ULK4: variants seen among roughly 807,000 people sequenced by gnomAD.
ULK4 encodes the protein unc-51 like kinase 4.
A neutral mutation model predicts 160.6 loss-of-function variants in ULK4; 133 were observed. The observed-to-expected ratio is 0.83, with a 90% CI of 0.72 to 0.96. The LOEUF (loss-of-function observed/expected upper bound fraction) is 0.96. ULK4 is among the 40% of genes least tolerant of loss of function. The pLI, the probability that ULK4 is intolerant of heterozygous loss-of-function variation, is 0.00. For synonymous variants in ULK4, 534 were observed against 539.8 expected, an observed-to-expected ratio of 0.99 and a Z score of 0.15; for missense variants, 1,580 against 1,499.5, an observed-to-expected ratio of 1.05 and a Z score of -0.89.
intron 31 of ULK4, among the ~76,000 whole-genome samples, chr3:41,583,945 T>C (rs540288627): frequency 6.6e-6 from 1 of 152,216 alleles, no homozygotes; most frequent in Non-Finnish European, 1.5e-5. Flanking sequence ...CTGTCATATA[T>C]GCAGACAGTG....
At chr3:41,944,456 G>A (rs1251649415) in intron 2 of ULK4, among the ~76,000 whole-genome samples, 2 of 152,090 alleles carry the variant, frequency 1.3e-5, no homozygotes, top group Non-Finnish European at 2.9e-5. Flanking sequence ...CGTAATTTCA[G>A]ATGTCAGGAG....
chr3:41,705,933 C>A (rs1468535009), intron 25 of ULK4, among the ~76,000 whole-genome samples: 2 of 152,094 alleles, frequency 1.3e-5, no homozygotes, highest in African/African-American at 4.8e-5. Context: ...GGCACCTAAC[C>A]AGGGAAAACA....
At chr3:41,704,621 T>C (rs551517028) in intron 27 of ULK4, among the ~76,000 whole-genome samples, 1 of 152,108 alleles carries the variant, frequency 6.6e-6, no homozygotes, top group African/African-American at 2.4e-5. Context: ...ATTTTGGTTG[T>C]CATAACTGAA....
intron 35 of ULK4, among the ~76,000 whole-genome samples, chr3:41,273,171 G>A (rs2079167587): frequency 1.3e-5 from 2 of 152,080 alleles, no homozygotes; most frequent in African/African-American, 2.4e-5. Flanking sequence ...AAATACTCTT[G>A]ATCTTTGCTT....
At chr3:41,950,524 T>C (rs1700256468) in intron 2 of ULK4, among the ~76,000 whole-genome samples, 2 of 151,940 alleles carry the variant, frequency 1.3e-5, no homozygotes, top group African/African-American at 2.4e-5. Flanking sequence ...ATTACAGACA[T>C]GAGCCACCGC....
chr3:41,393,862 G>A (rs1034825339), intron 35 of ULK4, among the ~76,000 whole-genome samples: 6 of 152,160 alleles, frequency 3.9e-5, no homozygotes, highest in African/African-American at 1.4e-4. Flanking sequence ...CAGCTACTTC[G>A]AAGGAGGATG....
intron 27 of ULK4, among the ~76,000 whole-genome samples, chr3:41,697,678 C>A (rs964472502): frequency 3.9e-5 from 6 of 152,016 alleles, no homozygotes; most frequent in African/African-American, 1.5e-4. Flanking sequence ...CATAGAGTCT[C>A]GCTATGTTGC....
intron 33 of ULK4, among the ~76,000 whole-genome samples, chr3:41,458,437 G>T (rs150586249): frequency 1.3e-5 from 2 of 152,122 alleles, no homozygotes; most frequent in South Asian, 2.1e-4. Context: ...ACCTGCTGGA[G>T]ATATAAGACA....
At chr3:41,695,615 G>C (rs564319605) in intron 27 of ULK4, among the ~76,000 whole-genome samples, 1 of 152,134 alleles carries the variant, frequency 6.6e-6, no homozygotes, top group Admixed American at 6.5e-5. Flanking sequence ...TGAAGTCATT[G>C]ATAAAAACAG....
At chr3:41,401,418 T>C (rs1294840339) in intron 34 of ULK4, among the ~76,000 whole-genome samples, 1 of 152,208 alleles carries the variant, frequency 6.6e-6, no homozygotes, top group African/African-American at 2.4e-5. Context: ...TGGTACTGCA[T>C]GTTTAATGAA....
At chr3:41,680,784 A>T (rs1285094753) in intron 29 of ULK4, among the ~76,000 whole-genome samples, 2 of 152,190 alleles carry the variant, frequency 1.3e-5, no homozygotes, top group African/African-American at 4.8e-5. Context: ...AGCCATGATC[A>T]GGTAGGCATA....
At chr3:41,809,241 A>C (rs2040748391) in intron 19 of ULK4, among the ~76,000 whole-genome samples, 1 of 151,770 alleles carries the variant, frequency 6.6e-6, no homozygotes. Context: ...TGTAAGGTTT[A>C]TTTTTTTATT....
chr3:41,844,350 G>T (rs921822867), intron 17 of ULK4, among the ~76,000 whole-genome samples: 2 of 152,128 alleles, frequency 1.3e-5, no homozygotes, highest in African/African-American at 2.4e-5. Context: ...GAAATCGAGC[G>T]CAGCGCCGGT....
intron 35 of ULK4, among the ~76,000 whole-genome samples, chr3:41,323,717 C>G (rs1268795935): frequency 6.6e-6 from 1 of 151,972 alleles, no homozygotes; most frequent in Non-Finnish European, 1.5e-5. Context: ...CGAGTGCTTA[C>G]AGATGGAGTA....
chr3:41,454,636 A>C (rs2083500995), intron 34 of ULK4, among the ~76,000 whole-genome samples: 1 of 152,062 alleles, frequency 6.6e-6, no homozygotes, highest in African/African-American at 2.4e-5. Context: ...CAATAATTTG[A>C]TTTTAAAAGA....
chr3:41,545,776 G>A (rs1015911790), intron 32 of ULK4, among the ~76,000 whole-genome samples: 1 of 152,016 alleles, frequency 6.6e-6, no homozygotes, highest in African/African-American at 2.4e-5. Context: ...CAGAATCCTG[G>A]AAATTGTCCC....
At chr3:41,279,657 A>C (rs746190952) in intron 35 of ULK4, among the ~76,000 whole-genome samples, 1 of 152,264 alleles carries the variant, frequency 6.6e-6, no homozygotes, top group Non-Finnish European at 1.5e-5. Context: ...CCAATATTCA[A>C]CATTCTTAAA....
In ULK4 at chr3:41,257,485, A is replaced by C. The variant is rs575085913; in HGVS notation, c.3679-7911T>G. On this transcript the variant is annotated intron_variant, in intron 35 of 36. Transcript: ENST00000301831. ...CATCTCTGCAACGAAATAAATAATA[A>C]TTAGCTGGGTGTGGTGGTGCACACC... is the stretch of plus-strand genomic sequence containing the variant. Among the ~76,000 whole-genome samples, 11 of 152,110 alleles carry C rather than the reference A, an allele frequency of 7.2e-5. No individual in the cohort carries two copies. The South Asian group carries it at 2.3e-3, about 32-fold the overall frequency.
In ULK4 at chr3:41,730,618, C is replaced by T. The variant is rs550451074; in HGVS notation, c.2322-12757G>A. Among the ~76,000 whole-genome samples the T allele has an allele frequency of 5.9e-5, 9 of 152,158 alleles. No homozygotes were observed. In the South Asian group the frequency reaches 1.7e-3, roughly 28 times the overall value. On this transcript the variant is annotated intron_variant, in intron 22 of 36. Transcript: ENST00000301831. ...CCAATAATGAGTAATAAGACTGAAT[C>T]GATAATAAAGTCTCCCATCAAAGAA...
Sources: gnomAD v4.1 joint callset for allele counts (sites outside exome capture counted in the v4.1 genomes callset) on GRCh38, gnomAD v4.1.1 for gene constraint, MANE v1.5 for transcripts, NCBI Gene and HGNC (gene_info 2026-07-23, HGNC 2026-07-21) for gene names.